Variants in GPHN observed in about 807,000 individuals in gnomAD.
GPHN encodes gephyrin.
In GPHN, 17 loss-of-function variants were observed where a neutral mutation model predicts 95.5. The ratio of observed to expected loss-of-function variants is 0.18; its 90% confidence interval spans 0.12 to 0.27. The LOEUF (loss-of-function observed/expected upper bound fraction) is 0.27. Ranked by LOEUF, GPHN falls within the 10% of genes least tolerant of loss-of-function variation. The pLI is 1.00. For synonymous variants in GPHN, 320 were observed against 322.5 expected (o/e 0.99, Z 0.08); for missense variants, 660 against 978.1 (o/e 0.67, Z 4.34).
chr14:67,582,068 G>A, the GPHN span: 6 of 1,608,168 alleles, frequency 3.7e-6, no homozygotes, highest in Non-Finnish European at 5.1e-6. The surrounding 1 kb of genome is among the most constrained non-coding windows in gnomAD (Gnocchi z 5.0). Flanking sequence ...CTTCTTTGTA[G>A]GCTGTACTTT....
At chr14:67,634,280 CTT>C in the GPHN span, among the ~76,000 whole-genome samples, 1 of 152,018 alleles carries the variant, frequency 6.6e-6, no homozygotes, top group Non-Finnish European at 1.5e-5. Context: ...ATATATCAAA[CTT>C]TAACTCTTGC....
the GPHN span, among the ~76,000 whole-genome samples, chr14:67,708,794 C>CTT: frequency 5.5e-3 from 751 of 136,872 alleles, 7 homozygotes; most frequent in Non-Finnish European, 9.3e-3. Flanking sequence ...TTAATAATAC[C>CTT]TTTTTTTTTT....
intron 9 of GPHN, among the ~76,000 whole-genome samples, chr14:66,984,074 G>A (rs1442795016): frequency 2.0e-5 from 3 of 152,090 alleles, no homozygotes; most frequent in African/African-American, 7.2e-5. Context: ...CATAGAAAAT[G>A]GTGTTCACTT....
At chr14:66,570,376 C>T (rs1329501493) in intron 1 of GPHN, among the ~76,000 whole-genome samples, 1 of 146,994 alleles carries the variant, frequency 6.8e-6, no homozygotes, top group African/African-American at 2.5e-5. Flanking sequence ...GCAATCTCTG[C>T]TCACTGCAAT....
chr14:67,697,884 G>A, the GPHN span, among the ~76,000 whole-genome samples: 1 of 152,204 alleles, frequency 6.6e-6, no homozygotes, highest in East Asian at 1.9e-4. Flanking sequence ...TAGGGAAAGA[G>A]TCAAACTGCT....
chr14:67,713,994 G>A, the GPHN span, among the ~76,000 whole-genome samples: 6 of 152,144 alleles, frequency 3.9e-5, no homozygotes. Context: ...TAGAATGGGA[G>A]GCAGGTTTGC....
the GPHN span, among the ~76,000 whole-genome samples, chr14:67,420,490 G>T: frequency 3.3e-5 from 5 of 152,322 alleles, no homozygotes; most frequent in East Asian, 3.9e-4. Flanking sequence ...GACCAATCAC[G>T]CTCCTTTCTG....
intron 3 of GPHN, among the ~76,000 whole-genome samples, chr14:66,797,247 T>C (rs1377842084): frequency 1.3e-5 from 2 of 151,848 alleles, no homozygotes; most frequent in Non-Finnish European, 2.9e-5. Context: ...TGTAATATAA[T>C]TTGGAGTCAG....
chr14:67,498,671 G>T, the GPHN span, among the ~76,000 whole-genome samples: 1 of 152,160 alleles, frequency 6.6e-6, no homozygotes, highest in South Asian at 2.1e-4. Flanking sequence ...TGTTGTTGTT[G>T]GTTTTCCTTT....
intron 2 of GPHN, among the ~76,000 whole-genome samples, chr14:66,685,726 T>G (rs1252624938): frequency 2.0e-5 from 3 of 152,190 alleles, no homozygotes; most frequent in Admixed American, 6.5e-5. Flanking sequence ...TAGTTTCTTT[T>G]GCTGTGCAGA....
chr14:66,770,254 A>G (rs924344170), intron 2 of GPHN, among the ~76,000 whole-genome samples: 5 of 152,190 alleles, frequency 3.3e-5, no homozygotes, highest in African/African-American at 1.2e-4. Flanking sequence ...ATAGCTTGCA[A>G]AAATTTTCTC....
At chr14:67,248,711 A>G in the GPHN span, among the ~76,000 whole-genome samples, 1 of 152,220 alleles carries the variant, frequency 6.6e-6, no homozygotes, top group Non-Finnish European at 1.5e-5. Flanking sequence ...TTCTGTTGTT[A>G]GAGTGGCAGA....
chr14:67,166,984 A>G (rs190740629), intron 20 of GPHN, among the ~76,000 whole-genome samples: 3 of 152,304 alleles, frequency 2.0e-5, no homozygotes, highest in East Asian at 1.9e-4. Context: ...AGGATTTTCA[A>G]TTTCAAAAGT....
At chr14:67,314,204 TG>T in the GPHN span, among the ~76,000 whole-genome samples, 1 of 143,124 alleles carries the variant, frequency 7.0e-6, no homozygotes, top group Non-Finnish European at 1.5e-5. Flanking sequence ...AAGGAGGGCA[TG>T]AAAAAAAAGA....
intron 1 of GPHN, among the ~76,000 whole-genome samples, chr14:66,614,416 T>C (rs1053450296): frequency 6.6e-6 from 1 of 152,148 alleles, no homozygotes; most frequent in Non-Finnish European, 1.5e-5. Context: ...CATATGTCAT[T>C]AAATTAATGC....
At chr14:66,987,422 G>C (rs1427059276) in intron 9 of GPHN, among the ~76,000 whole-genome samples, 1 of 152,078 alleles carries the variant, frequency 6.6e-6, no homozygotes, top group Non-Finnish European at 1.5e-5. Context: ...ACTTCTGGAT[G>C]TATAGAACTT....
chr14:67,708,243 C>T, the GPHN span, among the ~76,000 whole-genome samples: 4 of 152,104 alleles, frequency 2.6e-5, no homozygotes, highest in African/African-American at 7.2e-5. Context: ...GGATCAGCAA[C>T]GTTTTAAGCA....
chr14:67,279,653 C>G, the GPHN span: 4 of 1,027,018 alleles, frequency 3.9e-6, 1 homozygote, highest in East Asian at 1.1e-4. Context: ...GTTTGAATTC[C>G]AGACCAAGAT....
At chr14:67,620,199 T>G in the GPHN span, 5 of 476,418 alleles carry the variant, frequency 1.0e-5, no homozygotes, top group South Asian at 2.3e-5. Context: ...TGGGGAGAAA[T>G]GGCGAGGGGA....
Sources: gnomAD v4.1 joint callset for allele counts (sites outside exome capture counted in the v4.1 genomes callset) on GRCh38, gnomAD v4.1.1 for gene constraint, Gnocchi (gnomAD v3.1) non-coding constraint, MANE v1.5 for transcripts, NCBI Gene and HGNC (gene_info 2026-07-23, HGNC 2026-07-21) for gene names.